Variants in TAB3 observed in about 807,000 individuals in gnomAD.
The protein encoded by TAB3 is TGF-beta activated kinase 1 (MAP3K7) binding protein 3, also known as TGF-beta-activated kinase 1 and MAP3K7-binding protein 3.
TAB3 carries 18 observed loss-of-function variants against 48.1 expected under a neutral mutation model. That is an observed-to-expected ratio of 0.37 (90% CI 0.26 to 0.55). The LOEUF (loss-of-function observed/expected upper bound fraction) is 0.55, where lower values mean the gene tolerates loss of function less well. TAB3 is among the 20% of genes least tolerant of loss of function. The pLI is 0.78. For synonymous variants in TAB3, 185 were observed against 190.2 expected, an observed-to-expected ratio of 0.97 and a Z score of 0.22; for missense variants, 414 against 549.8, an observed-to-expected ratio of 0.75 and a Z score of 2.47.
At chrX:30,866,211 T>G (rs1385513585) in intron 4 of TAB3, among the ~76,000 whole-genome samples, 1 of 111,865 alleles carries the variant, frequency 8.9e-6, no homozygotes, top group Non-Finnish European at 1.9e-5. Context: ...ATATTTAATT[T>G]AAACTTAACA....
At chrX:30,867,767 T>A (rs966519147) in intron 2 of TAB3, among the ~76,000 whole-genome samples, 5 of 111,044 alleles carry the variant, frequency 4.5e-5, no homozygotes, top group Non-Finnish European at 9.4e-5. Context: ...AATTCTACAT[T>A]ATCCCACAGA....
chrX:30,875,644 G>A (rs1939810610), intron 1 of TAB3, among the ~76,000 whole-genome samples: 1 of 111,998 alleles, frequency 8.9e-6, no homozygotes. Flanking sequence ...AATTAAGAGG[G>A]ATTTCATCTT....
In TAB3 at chrX:30,859,613, T is replaced by C. The variant is rs775112698; in HGVS notation, c.-25A>G. On this transcript the variant is annotated 5_prime_UTR_variant, in exon 5 of 11. Transcript: ENST00000288422. ...TGCCAGAGCAAATGGTGGCCAAGTT[T>C]CTCTTAGGAAATGGATGTTAACCGG... is the stretch of plus-strand genomic sequence containing the variant. 1 of 1,101,408 alleles carries C rather than the reference T, an allele frequency of 9.1e-7. No homozygotes were observed. Among genetic ancestry groups the C allele is most frequent in the Non-Finnish European group, 1.3e-6 (1 of 799,735 alleles). 90.8% of individuals were successfully genotyped at this position (1,101,408 alleles called of 1,213,427 possible).
Position 30,854,768 on chromosome X carries a change from T to C in TAB3, c.897A>G (p.Gln299=), listed in dbSNP as rs1252815219. ...GTGGAGAGCTGAAGGGTGAAGGACA[T>C]TGAGAAGGAGGTGGTGAATGGTAAG... ...QSAYHSPPPS[Q]CPSPFSSPQH... The change falls in exon 6 of 11, where the codon CAA becomes CAG. Residue 299 remains glutamine (Q), a synonymous_variant. Transcript: ENST00000288422. 9.9e-6 allele frequency: 12 copies of C among 1,208,658 alleles called. No homozygotes were observed. In the Admixed American group the frequency reaches 2.0e-4, roughly 20 times the overall value.
intron 8 of TAB3, chrX:30,843,267 T>A: frequency 3.6e-6 from 1 of 274,949 alleles, no homozygotes. Flanking sequence ...ATGTCTACAA[T>A]GTATTACACT....
chrX:30,856,628 G>T (rs1309664425), intron 5 of TAB3, among the ~76,000 whole-genome samples: 1 of 111,551 alleles, frequency 9.0e-6, no homozygotes, highest in Non-Finnish European at 1.9e-5. Context: ...TACATGCATA[G>T]ATATTACTAT....
Position 30,829,724 on chromosome X carries a change from A to T in TAB3, c.*1703T>A, listed in dbSNP as rs1435576371. On this transcript the variant is annotated 3_prime_UTR_variant, in exon 11 of 11. Transcript: ENST00000288422. ...AAAATGTTTTCAAAGCTGTAGGCAG[A>T]GTGTGAAATGATTCTGATGGAAAAC... is the stretch of plus-strand genomic sequence containing the variant. The T allele has an allele frequency of 9.0e-6, 1 of 110,555 alleles. No homozygotes were observed. The highest frequency in any genetic ancestry group is 1.9e-5 in the Non-Finnish European group (1 of 52,898). 9.1% of individuals were successfully genotyped at this position (110,555 alleles called of 1,213,427 possible). A position where few individuals can be genotyped will look rare whatever the true frequency, so the allele number is the denominator to read the frequency against.
At chrX:30,859,347 G>C (rs1212422550) in intron 5 of TAB3, 140 bp downstream of exon 5, 1 of 350,206 alleles carries the variant, frequency 2.9e-6, no homozygotes, top group Admixed American at 6.7e-5. Flanking sequence ...CCAAGGTTGA[G>C]GGAAATCCTG....
intron 10 of TAB3, among the ~76,000 whole-genome samples, chrX:30,833,259 G>A (rs781266552): frequency 3.3e-4 from 36 of 109,889 alleles, no homozygotes; most frequent in East Asian, 1.5e-3. Context: ...GTGAGCCACC[G>A]CACCCGGCCT....
intron 1 of TAB3, among the ~76,000 whole-genome samples, chrX:30,883,230 G>A (rs1298117366): frequency 1.8e-5 from 2 of 111,928 alleles, no homozygotes; most frequent in East Asian, 5.6e-4. Context: ...CCTATTTAGT[G>A]CAAAAGATGT....
chrX:30,858,319 T>A (rs1939138227), intron 5 of TAB3, among the ~76,000 whole-genome samples: 1 of 111,731 alleles, frequency 9.0e-6, no homozygotes, highest in South Asian at 3.7e-4. Context: ...CCTTATTTGG[T>A]TTCACTCCGG....
At chrX:30,886,335 AT>A (rs11286233) in intron 1 of TAB3, among the ~76,000 whole-genome samples, 33,665 of 105,355 alleles carry the variant, frequency 0.32, 4,397 homozygotes, top group African/African-American at 0.47. Context: ...TCATTTGTTG[AT>A]TTTTTTTTTT....
chrX:30,858,735 G>A (rs1400499106), intron 5 of TAB3, among the ~76,000 whole-genome samples: 1 of 111,411 alleles, frequency 9.0e-6, no homozygotes, highest in Non-Finnish European at 1.9e-5. Flanking sequence ...CATAACAAGG[G>A]GACAGTGGGA....
In TAB3 at chrX:30,854,912, C is replaced by A; in HGVS notation, c.753G>T (p.Gln251His). The A allele has an allele frequency of 8.3e-7, 1 of 1,209,256 alleles. No individual in the cohort carries two copies. Among genetic ancestry groups the A allele is most frequent in the South Asian group, 1.8e-5 (1 of 56,576 alleles). ...GRQTPQSTPWQSSPQGPVPHY... is the reference protein window; with the variant it reads ...GRQTPQSTPWHSSPQGPVPHY... ...GAGGCACTGGGCCCTGTGGTGAGGA[C>A]TGCCACGGCGTACTCTGAGGAGTTT... The change falls in exon 6 of 11, where the codon CAG becomes CAT. Residue 251 changes from glutamine (Q) to histidine (H), a missense_variant. Transcript: ENST00000288422.
At chrX:30,839,792 G>A (rs932264835) in intron 9 of TAB3, among the ~76,000 whole-genome samples, 1 of 107,814 alleles carries the variant, frequency 9.3e-6, no homozygotes, top group Non-Finnish European at 1.9e-5. Flanking sequence ...GTTTAAGATT[G>A]GTATTTTTAC....
rs1937955371 is a variant in TAB3, at chrX:30,829,004, C to CA, written c.*2422dup. ...TAAAACTGAATACAGCCTATGTTGG[C>CA]ATATGAAACTTGTGCACAATTAAAA... On this transcript the variant is annotated 3_prime_UTR_variant, in exon 11 of 11. Transcript: ENST00000288422. 8.9e-6 allele frequency: 1 copy of CA among 112,191 alleles called. No individual in the cohort carries two copies. The highest frequency in any genetic ancestry group is 1.9e-5 in the Non-Finnish European group (1 of 53,254). 9.2% of individuals were successfully genotyped at this position (112,191 alleles called of 1,213,427 possible). A position where few individuals can be genotyped will look rare whatever the true frequency, so the allele number is the denominator to read the frequency against.
intron 8 of TAB3, 66 bp from the exon 9 acceptor site, chrX:30,843,115 A>T (rs935202430): frequency 2.6e-5 from 16 of 613,282 alleles, no homozygotes; most frequent in South Asian, 6.3e-5. Context: ...ATTTTTTTTT[A>T]AAGAAAATAT....
At chrX:30,841,669 C>G (rs1938446895) in intron 9 of TAB3, among the ~76,000 whole-genome samples, 1 of 111,497 alleles carries the variant, frequency 9.0e-6, no homozygotes, top group Admixed American at 9.5e-5. Flanking sequence ...ATGTTATACT[C>G]TCTGGTAATT....
At chrX:30,857,001 C>G (rs1220711129) in intron 5 of TAB3, among the ~76,000 whole-genome samples, 1 of 111,414 alleles carries the variant, frequency 9.0e-6, no homozygotes, top group Non-Finnish European at 1.9e-5. Context: ...AAAAGTCCAG[C>G]AAATCTTTAC....
Sources: allele counts gnomAD v4.1 joint callset (sites outside exome capture counted in the v4.1 genomes callset), GRCh38; gene constraint gnomAD v4.1.1; transcripts MANE v1.5; gene names NCBI Gene and HGNC (gene_info 2026-07-23, HGNC 2026-07-21).